Variants in TBC1D1 observed in about 807,000 individuals in gnomAD.
The protein encoded by TBC1D1 is TBC1 (tre-2/USP6, BUB2, cdc16) domain family, member 1.
Under a neutral mutation model 125.6 loss-of-function variants are expected in TBC1D1, and 89 were observed. That is an observed-to-expected ratio of 0.71 (90% CI 0.60 to 0.85). The LOEUF is 0.85. Ranked by LOEUF, TBC1D1 falls within the 40% of genes least tolerant of loss-of-function variation. The probability of loss-of-function intolerance (pLI) is 0.00; values close to 1 mark genes in which losing one functional copy is unlikely to be tolerated. For missense variants in TBC1D1, 1,377 were observed against 1,469.2 expected (o/e 0.94, Z 1.03); for synonymous variants, 565 against 564.1 (o/e 1.00, Z -0.02).
intron 18 of TBC1D1, among the ~76,000 whole-genome samples, chr4:38,131,722 C>T (rs555567260): frequency 7.9e-5 from 12 of 152,280 alleles, no homozygotes; most frequent in South Asian, 2.1e-4. Flanking sequence ...CCAGTTACCT[C>T]GGCTGTCAAA....
intron 4 of TBC1D1, 134 bp downstream of exon 4, chr4:38,018,577 C>A: frequency 2.0e-6 from 1 of 501,402 alleles, no homozygotes; most frequent in South Asian, 3.6e-5. Flanking sequence ...TTGTGTTTCG[C>A]TTTTCTTCTT....
chr4:38,024,660 G>T (rs1744718220), intron 6 of TBC1D1, among the ~76,000 whole-genome samples: 1 of 152,154 alleles, frequency 6.6e-6, no homozygotes, highest in South Asian at 2.1e-4. Flanking sequence ...TGCATTGTTA[G>T]TAGAAGAAGT....
chr4:38,069,802 G>A (rs1344307007), intron 12 of TBC1D1, among the ~76,000 whole-genome samples: 1 of 152,196 alleles, frequency 6.6e-6, no homozygotes, highest in East Asian at 1.9e-4. Flanking sequence ...CGTGGTATCA[G>A]GGAACCCCTG....
At chr4:37,913,016 C>A (rs59149800) in intron 2 of TBC1D1, among the ~76,000 whole-genome samples, 1,840 of 152,272 alleles carry the variant, frequency 0.012, 41 homozygotes, top group African/African-American at 0.041. Flanking sequence ...ATGAGGGAAA[C>A]TAGTTAGGAG....
At chr4:37,988,937 G>A (rs1044257349) in intron 2 of TBC1D1, among the ~76,000 whole-genome samples, 1 of 152,176 alleles carries the variant, frequency 6.6e-6, no homozygotes, top group Non-Finnish European at 1.5e-5. Context: ...TGCCAAAACA[G>A]ATCTCAAATT....
At chr4:38,060,860 G>T (rs929233605) in intron 12 of TBC1D1, among the ~76,000 whole-genome samples, 1 of 152,200 alleles carries the variant, frequency 6.6e-6, no homozygotes, top group Non-Finnish European at 1.5e-5. Flanking sequence ...CCCCAGTGAG[G>T]CTGATGTTTC....
At chr4:38,057,131 A>C (rs1311578889) in intron 12 of TBC1D1, among the ~76,000 whole-genome samples, 1 of 152,114 alleles carries the variant, frequency 6.6e-6, no homozygotes, top group Non-Finnish European at 1.5e-5. Context: ...AATCTCCTGC[A>C]GGAAGATGTC....
At chr4:38,111,349 C>T (rs904524311) in intron 15 of TBC1D1, among the ~76,000 whole-genome samples, 6 of 152,292 alleles carry the variant, frequency 3.9e-5, no homozygotes, top group African/African-American at 9.6e-5. Flanking sequence ...TGAAAATTAT[C>T]GAGTAGCCCA....
rs142384927 is a variant in TBC1D1 at position 38,018,259 on chromosome 4, G to A, written c.883-95G>A. 2.3e-3 allele frequency: 2,203 copies of A among 943,130 alleles called. 29 individuals carry two copies. In the African/African-American group the frequency reaches 0.033, roughly 14 times the overall value. 58.4% of individuals were successfully genotyped at this position (943,130 alleles called of 1,614,324 possible). ...AATGATTTCTACGATGATAGAGTCAGAATTTTATAGGAGCTTGTCCCTTTT... is the reference window on the plus strand; with the variant it reads ...AATGATTTCTACGATGATAGAGTCAAAATTTTATAGGAGCTTGTCCCTTTT... On this transcript the variant is annotated intron_variant, in intron 3 of 19. Coordinates refer to ENST00000261439, the MANE Select transcript of TBC1D1 (RefSeq NM_015173.4).
At chr4:38,016,585 G>T (rs1742773891) in intron 3 of TBC1D1, among the ~76,000 whole-genome samples, 1 of 152,210 alleles carries the variant, frequency 6.6e-6, no homozygotes, top group South Asian at 2.1e-4. Flanking sequence ...ACAAGTAAAA[G>T]ATTTTATGTC....
rs900966667 is a variant in TBC1D1, at chr4:38,045,763, A to T, written c.1543-54A>T. 9.6e-6 allele frequency: 13 copies of T among 1,357,766 alleles called. No individual in the cohort carries two copies. The East Asian group carries it at 1.1e-4, about 12-fold the overall frequency. The allele number at this position is 1,357,766 out of a possible 1,614,324, so 84.1% of individuals were successfully genotyped here. A position where few individuals can be genotyped will look rare whatever the true frequency, so the allele number is the denominator to read the frequency against. On this transcript the variant is annotated intron_variant, in intron 9 of 19. Coordinates refer to ENST00000261439, the MANE Select transcript of TBC1D1 (RefSeq NM_015173.4). ...AAATGGACCAATCTGCTTCTAGCTG[A>T]TGCCTTTGCAAAAGCCTCCAGAGTC...
chr4:38,038,096 A>AT (rs1747574322), intron 8 of TBC1D1, among the ~76,000 whole-genome samples: 3 of 152,190 alleles, frequency 2.0e-5, no homozygotes, highest in Admixed American at 2.0e-4. Context: ...TAAAATACCC[A>AT]TTTTATAGAT....
intron 8 of TBC1D1, among the ~76,000 whole-genome samples, chr4:38,041,945 A>G (rs575890106): frequency 4.7e-4 from 71 of 152,310 alleles, no homozygotes; most frequent in Admixed American, 3.0e-3. Flanking sequence ...AGGCCAAGGC[A>G]GGTGGATCAT....
chr4:37,994,267 A>G (rs1737276564), intron 2 of TBC1D1, among the ~76,000 whole-genome samples: 1 of 152,202 alleles, frequency 6.6e-6, no homozygotes, highest in Non-Finnish European at 1.5e-5. Flanking sequence ...TAATATATTC[A>G]AAGTGGAAAT....
intron 1 of TBC1D1, among the ~76,000 whole-genome samples, chr4:37,892,285 A>G (rs1713507161): frequency 6.6e-6 from 1 of 152,112 alleles, no homozygotes; most frequent in African/African-American, 2.4e-5. Context: ...GGGTGGTGGC[A>G]CCCACCTGTA....
At chr4:38,008,805 T>A (rs2152419037) in intron 2 of TBC1D1, among the ~76,000 whole-genome samples, 1 of 152,376 alleles carries the variant, frequency 6.6e-6, no homozygotes, top group East Asian at 1.9e-4. Context: ...AGCGGCCTTC[T>A]GTGCCTTCGC....
At chr4:37,901,468 T>C (rs1471136480) in intron 1 of TBC1D1, among the ~76,000 whole-genome samples, 1 of 152,182 alleles carries the variant, frequency 6.6e-6, no homozygotes, top group African/African-American at 2.4e-5. Context: ...AACATTGATA[T>C]CTGTTGATGA....
At chr4:38,131,869 T>A (rs921364002) in intron 18 of TBC1D1, among the ~76,000 whole-genome samples, 3 of 152,176 alleles carry the variant, frequency 2.0e-5, no homozygotes, top group Admixed American at 2.0e-4. Flanking sequence ...TATAATGGAT[T>A]TTAGTTTTTA....
intron 7 of TBC1D1, among the ~76,000 whole-genome samples, chr4:38,033,694 C>T (rs892193153): frequency 4.6e-5 from 7 of 152,294 alleles, no homozygotes; most frequent in South Asian, 2.1e-4. Context: ...TAAAAATCCC[C>T]GTGTTCTGCC....
Sources: allele counts gnomAD v4.1 joint callset (sites outside exome capture counted in the v4.1 genomes callset), GRCh38; gene constraint gnomAD v4.1.1; transcripts MANE v1.5; gene names NCBI Gene and HGNC (gene_info 2026-07-23, HGNC 2026-07-21).